PAPPA2: variants seen among roughly 807,000 people sequenced by gnomAD.
PAPPA2 encodes the protein pappalysin 2.
A neutral mutation model predicts 176.4 loss-of-function variants in PAPPA2; 86 were observed. The ratio of observed to expected loss-of-function variants is 0.49; its 90% CI spans 0.41 to 0.58. The LOEUF (loss-of-function observed/expected upper bound fraction) is 0.58. Ranked by LOEUF, PAPPA2 falls within the 20% of genes least tolerant of loss-of-function variation. PAPPA2 has a pLI of 0.00. For synonymous variants in PAPPA2, 809 were observed against 852.2 expected, an observed-to-expected ratio of 0.95 and a Z score of 0.88; for missense variants, 2,073 against 2,256.9, an observed-to-expected ratio of 0.92 and a Z score of 1.65.
chr1:176,696,378 AG>A lies in PAPPA2; in HGVS notation c.2746+521del, dbSNP rs1660385003. On this transcript the variant is annotated intron_variant, in intron 7 of 22. Coordinates refer to ENST00000367662, the MANE Select transcript of PAPPA2 (RefSeq NM_020318.3). ...AAGTCTGGGTGGGGGTGGGGAGACC[AG>A]GTGTTCCACACTGACTGTTCTCGTC... 2.0e-5 allele frequency among the ~76,000 whole-genome samples: 3 copies of A among 152,042 alleles called. No individual in the cohort carries two copies. In the South Asian group the frequency reaches 6.2e-4, roughly 32 times the overall value.
At chr1:176,784,087 C>G (rs1664828338) in intron 17 of PAPPA2, among the ~76,000 whole-genome samples, 1 of 152,172 alleles carries the variant, frequency 6.6e-6, no homozygotes, top group South Asian at 2.1e-4. Context: ...TTCATGGTTA[C>G]TAATGTGATT....
At chr1:176,814,743 A>G (rs1350917442) in intron 21 of PAPPA2, among the ~76,000 whole-genome samples, 1 of 152,198 alleles carries the variant, frequency 6.6e-6, no homozygotes, top group Non-Finnish European at 1.5e-5. Flanking sequence ...AGATAATTTG[A>G]CTTCCTCTCT....
At chr1:176,534,523 A>G (rs1175540736) in intron 1 of PAPPA2, among the ~76,000 whole-genome samples, 2 of 152,238 alleles carry the variant, frequency 1.3e-5, no homozygotes, top group Non-Finnish European at 2.9e-5. Flanking sequence ...AAGAGGTAAG[A>G]AAATAATGAA....
chr1:176,559,875 C>A (rs975647646), intron 2 of PAPPA2, among the ~76,000 whole-genome samples: 8 of 152,224 alleles, frequency 5.3e-5, no homozygotes, highest in African/African-American at 1.9e-4. Context: ...TTAATCTACC[C>A]AATTTAGGGC....
intron 1 of PAPPA2, among the ~76,000 whole-genome samples, chr1:176,507,915 T>TA (rs1558407802): frequency 2.6e-5 from 4 of 151,758 alleles, no homozygotes; most frequent in South Asian, 2.1e-4. Context: ...AGTTGAAATT[T>TA]AAAAAAAATT....
chr1:176,709,221 G>A (rs1433838978), intron 10 of PAPPA2, among the ~76,000 whole-genome samples: 3 of 152,108 alleles, frequency 2.0e-5, no homozygotes, highest in Admixed American at 2.0e-4. Context: ...CTCTGTCTTA[G>A]TTTGAGGCAG....
At chr1:176,688,067 A>G (rs930792933) in intron 4 of PAPPA2, among the ~76,000 whole-genome samples, 9 of 152,218 alleles carry the variant, frequency 5.9e-5, no homozygotes, top group Non-Finnish European at 1.5e-5. Flanking sequence ...AAACTAATCA[A>G]TTTAGATACT....
intron 3 of PAPPA2, among the ~76,000 whole-genome samples, chr1:176,637,795 A>G (rs917050338): frequency 3.3e-5 from 5 of 151,900 alleles, no homozygotes; most frequent in African/African-American, 1.2e-4. Context: ...GAACATGTTG[A>G]TTTTCTCTTC....
intron 17 of PAPPA2, among the ~76,000 whole-genome samples, chr1:176,775,238 T>C (rs1287048951): frequency 6.6e-6 from 1 of 152,136 alleles, no homozygotes; most frequent in East Asian, 1.9e-4. Flanking sequence ...TAGCTACTTA[T>C]TGGCAGGTAT....
Position 176,483,816 on chromosome 1 carries a change from G to A in PAPPA2, c.-917+20398G>A, listed in dbSNP as rs969853147. Among the ~76,000 whole-genome samples the A allele has an allele frequency of 2.0e-5, 3 of 152,162 alleles. No homozygotes were observed. In the East Asian group the frequency reaches 5.8e-4, roughly 29 times the overall value. On this transcript the variant is annotated intron_variant, in intron 1 of 22. Coordinates refer to ENST00000367662, the MANE Select transcript of PAPPA2 (RefSeq NM_020318.3). ...TGGTTGCCTCAAGAAAGGGAAGATT[G>A]CCAGTGGTGAAGAGATGTCATAGAG... is the stretch of plus-strand genomic sequence containing the variant.
At chr1:176,731,407 C>A (rs757152170) in intron 12 of PAPPA2, among the ~76,000 whole-genome samples, 6 of 152,036 alleles carry the variant, frequency 3.9e-5, no homozygotes, top group African/African-American at 7.2e-5. Flanking sequence ...TCAAGCAATT[C>A]TCTTTTCTCA....
chr1:176,515,071 T>G (rs755156302), intron 1 of PAPPA2, among the ~76,000 whole-genome samples: 4 of 152,232 alleles, frequency 2.6e-5, no homozygotes, highest in Non-Finnish European at 5.9e-5. Flanking sequence ...CAATATTCAC[T>G]AGACTAGTTT....
At chr1:176,769,409 G>A (rs1664117337) in intron 15 of PAPPA2, among the ~76,000 whole-genome samples, 198 bp from the exon 16 acceptor site, 1 of 152,150 alleles carries the variant, frequency 6.6e-6, no homozygotes. Flanking sequence ...ACACTAGCAG[G>A]CTTCTTTTAT....
At position 176,699,278 on chromosome 1, in the gene PAPPA2, G is replaced by A; in HGVS notation, c.2925G>A (p.Met975Ile). The A allele has an allele frequency of 6.2e-7, 1 of 1,614,126 alleles. No homozygotes were observed. Among genetic ancestry groups the A allele is most frequent in the Non-Finnish European group, 8.5e-7 (1 of 1,180,004 alleles). Residue 975 changes from methionine to isoleucine, a missense_variant, in exon 8 of 23, where the codon ATG becomes ATA. By Grantham distance (10) the Met-to-Ile change is conservative. Around this residue, in one of 4 missense-constraint regions of PAPPA2, gnomAD observed 1,196 missense variants for 1,330.4 expected, o/e 0.90. Coordinates refer to ENST00000367662, the MANE Select transcript of PAPPA2 (RefSeq NM_020318.3). ...CCCTGTGGGTCACTTCCTTCTTCAT[G>A]GAGTCCTCGCAGGTCCTCTTTGACA... ...TLTLWVTSFFMESSQVLFDTE... is the reference protein window; with the variant it reads ...TLTLWVTSFFIESSQVLFDTE...
chr1:176,541,583 T>G (rs1650364408), intron 1 of PAPPA2, among the ~76,000 whole-genome samples: 1 of 152,242 alleles, frequency 6.6e-6, no homozygotes, highest in Non-Finnish European at 1.5e-5. Context: ...TAAATTTTCC[T>G]GCATCCTGCT....
intron 1 of PAPPA2, among the ~76,000 whole-genome samples, chr1:176,487,754 A>G (rs1345660446): frequency 6.6e-6 from 1 of 152,206 alleles, no homozygotes; most frequent in East Asian, 1.9e-4. Context: ...CTGTTCCCCA[A>G]AAGGGTTTAG....
intron 3 of PAPPA2, among the ~76,000 whole-genome samples, chr1:176,611,877 A>C (rs1186551569): frequency 6.6e-6 from 1 of 152,126 alleles, no homozygotes; most frequent in African/African-American, 2.4e-5. Flanking sequence ...CCATTCATTC[A>C]TTAACTCATC....
At chr1:176,829,006 A>AAAAT (rs1271823974) in intron 21 of PAPPA2, among the ~76,000 whole-genome samples, 79 of 152,176 alleles carry the variant, frequency 5.2e-4, no homozygotes, top group Non-Finnish European at 6.6e-4. Context: ...CCATCTCAAA[A>AAAAT]AAATAAATAA....
At chr1:176,727,411 A>G (rs1001739593) in intron 12 of PAPPA2, among the ~76,000 whole-genome samples, 1 of 152,134 alleles carries the variant, frequency 6.6e-6, no homozygotes, top group South Asian at 2.1e-4. Flanking sequence ...TTGATGTGCC[A>G]TGTTAATATC....
Sources: allele counts gnomAD v4.1 joint callset (sites outside exome capture counted in the v4.1 genomes callset), GRCh38; gene constraint gnomAD v4.1.1; regional missense constraint gnomAD v4.1.1; transcripts MANE v1.5; gene names NCBI Gene and HGNC (gene_info 2026-07-23, HGNC 2026-07-21).